The following ENOX2 variants were observed in gnomAD, a reference collection of about 807,000 sequenced individuals.
ENOX2 encodes the protein APK1 antigen.
In ENOX2, 36 loss-of-function variants were observed where a neutral mutation model predicts 45.0. The observed-to-expected ratio is 0.80, with a 90% CI of 0.61 to 1.06. The LOEUF is 1.06. Among genes scored for constraint, ENOX2 ranks in the 50% least tolerant of loss-of-function variants. ENOX2 has a pLI of 0.00. For missense variants in ENOX2, 423 were observed against 462.5 expected, an observed-to-expected ratio of 0.91 and a Z score of 0.78; for synonymous variants, 174 against 152.3, an observed-to-expected ratio of 1.14 and a Z score of -1.05.
At chrX:130,670,441 T>C (rs1423897962) in intron 6 of ENOX2, among the ~76,000 whole-genome samples, 1 of 111,052 alleles carries the variant, frequency 9.0e-6, no homozygotes, top group Non-Finnish European at 1.9e-5. Flanking sequence ...TCACATTCTA[T>C]GGGTTGGGTT....
intron 13 of ENOX2, among the ~76,000 whole-genome samples, 183 bp from the exon 14 acceptor site, chrX:130,628,226 CCAGTT>C (rs1388440470): frequency 1.8e-5 from 2 of 112,075 alleles, no homozygotes; most frequent in African/African-American, 6.5e-5. Context: ...ATTGTCATCC[CCAGTT>C]CACAGCTGAG....
rs1352877721 is a variant in ENOX2, at chrX:130,667,575, C to T, written c.862G>A (p.Ala288Thr). 8.3e-7 allele frequency: 1 copy of T among 1,211,438 alleles called. No homozygotes were observed. ...AGGGCCTGCTTGAACTTCTCCTTTG[C>T]TTCTTCCATATCTTTCTCATGGGCA... ...KAAHEKDMEE[A>T]KEKFKQALSG... The change falls in exon 8 of 15, where the codon GCA becomes ACA. Residue 288 changes from alanine to threonine, a missense_variant. Physicochemically the swap from Ala to Thr is moderately conservative, Grantham distance 58 (BLOSUM62 0). Around this residue, in one of 5 missense-constraint regions of ENOX2, gnomAD observed 261 missense variants for 306.8 expected, o/e 0.85. Coordinates refer to ENST00000394363, the MANE Select transcript of ENOX2 (RefSeq NM_006375.4).
chrX:130,625,243 A>G lies in ENOX2; in HGVS notation c.*71T>C. 1 of 1,101,796 alleles carries G rather than the reference A, an allele frequency of 9.1e-7. No individual in the cohort carries two copies. Among genetic ancestry groups the G allele is most frequent in the Non-Finnish European group, 1.2e-6 (1 of 820,159 alleles). The allele number at this position is 1,101,796 out of a possible 1,213,427, so 90.8% of individuals were successfully genotyped here. A position where few individuals can be genotyped will look rare whatever the true frequency, so the allele number is the denominator to read the frequency against. On this transcript the variant is annotated 3_prime_UTR_variant, in exon 15 of 15. Coordinates refer to ENST00000394363, the MANE Select transcript of ENOX2 (RefSeq NM_006375.4). ...AACTTCCACTTGAAAACCATTAAAA[A>G]TATAAATCACTTTCTATGCTTGTCC...
In ENOX2 at chrX:130,689,155, C is replaced by T. The variant is rs771779162; in HGVS notation, c.98-137G>A. On this transcript the variant is annotated intron_variant, in intron 4 of 14. Coordinates refer to ENST00000394363, the MANE Select transcript of ENOX2 (RefSeq NM_006375.4). The stretch of plus-strand genomic sequence containing the variant: ...TTTAACAAGCATGGTACTTAGTATT[C>T]CCAGGTCTTAAATATTATCTTATAG... The T allele has an allele frequency of 1.5e-5, 7 of 462,711 alleles. No homozygotes were observed. The East Asian group carries it at 2.7e-4, about 18-fold the overall frequency. 38.1% of individuals were successfully genotyped at this position (462,711 alleles called of 1,213,427 possible). A position where few individuals can be genotyped will look rare whatever the true frequency, so the allele number is the denominator to read the frequency against.
intron 2 of ENOX2, among the ~76,000 whole-genome samples, chrX:130,868,515 C>T (rs746658349): frequency 6.5e-4 from 73 of 111,654 alleles, no homozygotes; most frequent in Non-Finnish European, 1.0e-3. Flanking sequence ...TCGGAGCCCC[C>T]GGTGTTCATG....
rs893500769 is a variant in ENOX2 at position 130,790,455 on chromosome X, A to G, written c.-182-6765T>C. Among the ~76,000 whole-genome samples, 6 of 112,285 alleles carry G rather than the reference A, an allele frequency of 5.3e-5. No homozygotes were observed. In the East Asian group the frequency reaches 1.4e-3, roughly 26 times the overall value. On this transcript the variant is annotated intron_variant, in intron 2 of 14. Transcript: ENST00000394363. ...TTATGCTCTACCCTAATACTTCTCA[A>G]ACTTTTTAATGTGGACATGTGTTCC...
chrX:130,755,058 C>A (rs2039321822), intron 3 of ENOX2, among the ~76,000 whole-genome samples: 2 of 111,871 alleles, frequency 1.8e-5, no homozygotes, highest in Admixed American at 1.9e-4. Context: ...AATTACATCA[C>A]CACTGAAACA....
intron 2 of ENOX2, among the ~76,000 whole-genome samples, chrX:130,808,879 T>C (rs1281687920): frequency 1.8e-5 from 2 of 112,538 alleles, no homozygotes; most frequent in African/African-American, 6.5e-5. Context: ...TTCACAGAAC[T>C]AGAGAGACTA....
chrX:130,803,538 T>C (rs966001945), intron 2 of ENOX2, among the ~76,000 whole-genome samples: 2 of 112,019 alleles, frequency 1.8e-5, no homozygotes, highest in African/African-American at 3.2e-5. Flanking sequence ...GAAAGTGACA[T>C]ATGTGGCTTA....
At chrX:130,765,620 T>C (rs968182849) in intron 3 of ENOX2, among the ~76,000 whole-genome samples, 4 of 111,494 alleles carry the variant, frequency 3.6e-5, no homozygotes, top group Non-Finnish European at 3.8e-5. Context: ...CTATTAATAA[T>C]GCTGATGAGA....
At chrX:130,710,297 T>A (rs2038156992) in intron 3 of ENOX2, among the ~76,000 whole-genome samples, 1 of 111,995 alleles carries the variant, frequency 8.9e-6, no homozygotes, top group Admixed American at 9.4e-5. Context: ...TTCATGCTCT[T>A]GACCACTATG....
intron 3 of ENOX2, among the ~76,000 whole-genome samples, chrX:130,756,579 C>T (rs191093880): frequency 1.8e-5 from 2 of 111,960 alleles, no homozygotes; most frequent in African/African-American, 3.2e-5. Flanking sequence ...TCTTCTGACC[C>T]GAGGGGCCCT....
intron 10 of ENOX2, among the ~76,000 whole-genome samples, chrX:130,655,085 A>C (rs765251927): frequency 1.8e-5 from 2 of 112,332 alleles, no homozygotes; most frequent in Non-Finnish European, 3.8e-5. Flanking sequence ...TTAATCAGCT[A>C]TAAAACATCC....
intron 2 of ENOX2, among the ~76,000 whole-genome samples, chrX:130,866,236 T>A: frequency 9.0e-6 from 1 of 111,529 alleles, no homozygotes; most frequent in Admixed American, 9.6e-5. Context: ...TGCATTCCAT[T>A]CCAGCAACTA....
intron 3 of ENOX2, among the ~76,000 whole-genome samples, chrX:130,732,317 G>A (rs371679341): frequency 1.2e-4 from 13 of 111,588 alleles, no homozygotes; most frequent in African/African-American, 4.2e-4. Context: ...CTTGCATAAT[G>A]AAAACTACAA....
chrX:130,811,180 C>T (rs966889483), intron 2 of ENOX2, among the ~76,000 whole-genome samples: 15 of 111,308 alleles, frequency 1.3e-4, no homozygotes, highest in African/African-American at 4.9e-4. Context: ...CAGACCAGCC[C>T]TCAAGGACTC....
intron 3 of ENOX2, among the ~76,000 whole-genome samples, chrX:130,720,494 T>C (rs867974637): frequency 8.9e-6 from 1 of 112,419 alleles, no homozygotes; most frequent in African/African-American, 3.2e-5. Context: ...GAAAAGCATA[T>C]AATCCTTAAG....
At chrX:130,836,783 A>C (rs2077934698) in intron 2 of ENOX2, among the ~76,000 whole-genome samples, 1 of 112,012 alleles carries the variant, frequency 8.9e-6, no homozygotes, top group Non-Finnish European at 1.9e-5. Context: ...TTTTCTCATG[A>C]AATATTTTAT....
chrX:130,709,637 C>CAAAAAAAAAAAAAAAAAAGAAAA (rs2038131235), intron 3 of ENOX2, among the ~76,000 whole-genome samples: 1 of 30,124 alleles, frequency 3.3e-5, no homozygotes, highest in African/African-American at 1.2e-4. Flanking sequence ...GACTCTGTCT[C>CAAAAAAAAAAAAAAAAAAGAAAA]AAAAAAAAAA....
Sources: allele counts gnomAD v4.1 joint callset (sites outside exome capture counted in the v4.1 genomes callset), GRCh38; gene constraint gnomAD v4.1.1; regional missense constraint gnomAD v4.1.1; transcripts MANE v1.5; gene names NCBI Gene and HGNC (gene_info 2026-07-23, HGNC 2026-07-21).